Variants in KANK1 observed in about 807,000 individuals in gnomAD.
KANK1 encodes the protein KN motif and ankyrin repeat domain-containing protein 1.
KANK1 carries 109 observed loss-of-function variants against 106.2 expected under a neutral mutation model. The observed-to-expected ratio is 1.03, with a 90% CI of 0.88 to 1.20. The LOEUF (loss-of-function observed/expected upper bound fraction) is 1.20. Among genes scored for constraint, KANK1 ranks in the 50% most tolerant of loss-of-function variants. The pLI, the probability that KANK1 is intolerant of heterozygous loss-of-function variation, is 0.00. For synonymous variants in KANK1, 873 were observed against 652.2 expected (o/e 1.34, Z -5.16); for missense variants, 2,399 against 1,710.7 (o/e 1.40, Z -7.10).
chr9:678,126 A>G (rs1012760462), intron 2 of KANK1, among the ~76,000 whole-genome samples: 2 of 152,206 alleles, frequency 1.3e-5, no homozygotes, highest in Non-Finnish European at 2.9e-5. Flanking sequence ...CCAAACCCAG[A>G]TAAACTCAGT....
intron 3 of KANK1, among the ~76,000 whole-genome samples, chr9:725,465 C>G (rs1830407646): frequency 6.7e-6 from 1 of 148,400 alleles, no homozygotes; most frequent in Non-Finnish European, 1.5e-5. Flanking sequence ...AGCCCTCACT[C>G]CAGCCTGGGT....
intron 1 of KANK1, among the ~76,000 whole-genome samples, chr9:601,511 C>CT (rs559888263): frequency 4.0e-5 from 6 of 151,490 alleles, no homozygotes; most frequent in South Asian, 2.1e-4. Flanking sequence ...TTAAGTTATG[C>CT]TTTTTTTTGT....
At chr9:545,724 CT>C (rs61622402) in intron 1 of KANK1, among the ~76,000 whole-genome samples, 6,991 of 102,288 alleles carry the variant, frequency 0.068, 335 homozygotes, top group African/African-American at 0.17. Context: ...TGTACAGAGC[CT>C]TTTTTTTTTT....
intron 3 of KANK1, among the ~76,000 whole-genome samples, chr9:491,909 C>G (rs2058383257): frequency 6.6e-6 from 1 of 152,182 alleles, no homozygotes; most frequent in Non-Finnish European, 1.5e-5. Context: ...CCTCTCTTTG[C>G]CTGGTGCCAT....
At chr9:674,316 T>G (rs1254896255) in intron 1 of KANK1, 1 of 149,036 alleles carries the variant, frequency 6.7e-6, no homozygotes, top group Non-Finnish European at 1.5e-5. Flanking sequence ...TCTCTCCAGG[T>G]GAACACAATG....
intron 1 of KANK1, among the ~76,000 whole-genome samples, chr9:660,782 A>G (rs1198817834): frequency 1.3e-5 from 2 of 152,178 alleles, no homozygotes; most frequent in Non-Finnish European, 2.9e-5. Context: ...TTTGGTGGTC[A>G]AAGAAAGATC....
chr9:590,889 A>T (rs773657820), intron 1 of KANK1, among the ~76,000 whole-genome samples: 39 of 151,812 alleles, frequency 2.6e-4, no homozygotes, highest in Non-Finnish European at 4.7e-4. Flanking sequence ...AAAATTAGGA[A>T]AGAGGTTTAA....
In KANK1 at chr9:555,056, C is replaced by T. The variant is rs146914569; in HGVS notation, c.-84+50302C>T. Among the ~76,000 whole-genome samples the T allele has an allele frequency of 4.4e-3, 669 of 152,314 alleles. 3 individuals are homozygous for T. Among genetic ancestry groups the T allele is most frequent in the Middle Eastern group, 0.01 (3 of 294 alleles). ...AGTCAAGTTGGCACGTGAAATTAAC[C>T]TGCATACCAGGTAATGTTTCTGCTG... On this transcript the variant is annotated intron_variant, in intron 1 of 11. Transcript: ENST00000382297.
chr9:610,158 T>A (rs1001447627), intron 1 of KANK1, among the ~76,000 whole-genome samples: 10 of 152,208 alleles, frequency 6.6e-5, no homozygotes, highest in African/African-American at 2.4e-4. Flanking sequence ...GTTACTTCCT[T>A]GCGATAAGTT....
intron 1 of KANK1, among the ~76,000 whole-genome samples, chr9:606,185 C>G (rs893136534): frequency 6.7e-6 from 1 of 148,690 alleles, no homozygotes; most frequent in Non-Finnish European, 1.5e-5. Flanking sequence ...ACACACACCA[C>G]TCACACATAT....
At chr9:732,116 G>T in intron 5 of KANK1, 2 of 323,590 alleles carry the variant, frequency 6.2e-6, no homozygotes, top group Admixed American at 4.3e-5. Context: ...CATGATTTAT[G>T]CTAAGCCGGA....
At chr9:625,025 G>T (rs995989703) in intron 1 of KANK1, among the ~76,000 whole-genome samples, 13 of 87,692 alleles carry the variant, frequency 1.5e-4, no homozygotes, top group African/African-American at 7.7e-4. Flanking sequence ...GAATGAAATG[G>T]AAGATGAAAT....
At chr9:471,628 T>TG (rs1469039788) in intron 2 of KANK1, 13 of 152,212 alleles carry the variant, frequency 8.5e-5, no homozygotes, top group African/African-American at 3.1e-4. Flanking sequence ...CTCTGCCAGA[T>TG]GCGGTGGCTC....
rs143196183 is a variant in KANK1 at position 584,592 on chromosome 9, C to G, written c.-84+79838C>G. On this transcript the variant is annotated intron_variant, in intron 1 of 11. Coordinates refer to ENST00000382297, the MANE Select transcript of KANK1 (RefSeq NM_015158.5). ...TGTTAAATAAGTAACTATCATTTACCTACAGCAGAAGAAGAATATAACTTA... is the reference window on the plus strand; with the variant it reads ...TGTTAAATAAGTAACTATCATTTACGTACAGCAGAAGAAGAATATAACTTA... Among the ~76,000 whole-genome samples, 4 of 152,176 alleles carry G rather than the reference C, an allele frequency of 2.6e-5. No homozygotes were observed. The East Asian group carries it at 7.7e-4, about 29-fold the overall frequency.
In KANK1 at chr9:745,562, C is replaced by T. The variant is rs576343153; in HGVS notation, c.*327C>T. On this transcript the variant is annotated 3_prime_UTR_variant, in exon 12 of 12. Coordinates refer to ENST00000382297, the MANE Select transcript of KANK1 (RefSeq NM_015158.5). ...CTCCCACAAAGTGGTGTCTGGTTCT[C>T]ACTGAGACGTTTTAAGATTTTTCCA... The T allele has an allele frequency of 3.6e-5, 7 of 193,264 alleles. No homozygotes were observed. The East Asian group carries it at 8.2e-4, about 23-fold the overall frequency. The allele number at this position is 193,264 out of a possible 1,614,324, so 12.0% of individuals were successfully genotyped here.
intron 1 of KANK1, among the ~76,000 whole-genome samples, chr9:560,271 A>G (rs903383576): frequency 6.6e-6 from 1 of 152,246 alleles, no homozygotes; most frequent in Non-Finnish European, 1.5e-5. Flanking sequence ...ATGTTTCATT[A>G]AGTTCTTAGG....
At chr9:531,604 G>A (rs150239010) in intron 1 of KANK1, among the ~76,000 whole-genome samples, 12 of 152,312 alleles carry the variant, frequency 7.9e-5, no homozygotes, top group African/African-American at 2.6e-4. Flanking sequence ...CATTTGAGAT[G>A]CAACTCTTGG....
At chr9:591,903 C>G (rs1824986166) in intron 1 of KANK1, among the ~76,000 whole-genome samples, 1 of 151,718 alleles carries the variant, frequency 6.6e-6, no homozygotes, top group South Asian at 2.1e-4. Flanking sequence ...AGGTGATCCA[C>G]CCACCTCAGC....
intron 2 of KANK1, among the ~76,000 whole-genome samples, chr9:472,274 G>A (rs114671226): frequency 6.6e-6 from 1 of 152,342 alleles, no homozygotes; most frequent in African/African-American, 2.4e-5. Context: ...TGTCACCACT[G>A]AGAAGCAAGG....
Sources: gnomAD v4.1 joint callset for allele counts (sites outside exome capture counted in the v4.1 genomes callset) on GRCh38, gnomAD v4.1.1 for gene constraint, MANE v1.5 for transcripts, NCBI Gene and HGNC (gene_info 2026-07-23, HGNC 2026-07-21) for gene names.